Variants in NRXN1 observed in about 807,000 individuals in gnomAD.
NRXN1 encodes the protein neurexin-1.
A neutral mutation model predicts 150.9 loss-of-function variants in NRXN1; 39 were observed. The observed-to-expected ratio is 0.26, with a 90% CI of 0.20 to 0.34. The LOEUF is 0.34. Among genes scored for constraint, NRXN1 ranks in the 10% least tolerant of loss-of-function variants. The pLI, the probability that NRXN1 is intolerant of heterozygous loss-of-function variation, is 1.00. For missense variants in NRXN1, 1,815 were observed against 1,949.9 expected (o/e 0.93, Z 1.30); for synonymous variants, 924 against 757.0 (o/e 1.22, Z -3.62).
chr2:50,844,404 T>C (rs566646029), intron 5 of NRXN1, among the ~76,000 whole-genome samples: 6 of 152,212 alleles, frequency 3.9e-5, no homozygotes, highest in South Asian at 2.1e-4. Context: ...GGTGACCTTC[T>C]AGGTGCATGA....
At chr2:50,926,672 C>T (rs1035610886) in intron 2 of NRXN1, among the ~76,000 whole-genome samples, 7 of 151,726 alleles carry the variant, frequency 4.6e-5, no homozygotes, top group Admixed American at 1.3e-4. Flanking sequence ...TTTGGTTTGT[C>T]GTGATTTAAA....
At chr2:50,081,482 G>A (rs574938858) in intron 19 of NRXN1, among the ~76,000 whole-genome samples, 1 of 152,180 alleles carries the variant, frequency 6.6e-6, no homozygotes, top group Non-Finnish European at 1.5e-5. Flanking sequence ...AACCCAGGAA[G>A]TGGAGGTTGC....
intron 12 of NRXN1, among the ~76,000 whole-genome samples, chr2:50,508,945 C>A (rs2092348295): frequency 6.6e-6 from 1 of 152,132 alleles, no homozygotes; most frequent in Admixed American, 6.5e-5. Context: ...GGAAAGTGCA[C>A]TAGACTGGGA....
At chr2:50,014,052 G>T (rs1686156716) in intron 21 of NRXN1, among the ~76,000 whole-genome samples, 1 of 151,932 alleles carries the variant, frequency 6.6e-6, no homozygotes, top group South Asian at 2.1e-4. Context: ...TAAAAGTATA[G>T]CACTAGAGAT....
At chr2:50,987,964 G>A (rs1168303512) in intron 2 of NRXN1, among the ~76,000 whole-genome samples, 2 of 151,922 alleles carry the variant, frequency 1.3e-5, no homozygotes, top group Admixed American at 1.3e-4. Context: ...TAATTTTTTA[G>A]GCCAGGTTCA....
intron 17 of NRXN1, among the ~76,000 whole-genome samples, chr2:50,299,064 A>G (rs1252838270): frequency 6.6e-6 from 1 of 152,162 alleles, no homozygotes. Flanking sequence ...CTGAGGTAGC[A>G]CTTTGGGGAA....
intron 17 of NRXN1, among the ~76,000 whole-genome samples, chr2:50,274,402 G>A (rs561179546): frequency 6.6e-6 from 1 of 152,078 alleles, no homozygotes; most frequent in Non-Finnish European, 1.5e-5. Context: ...CTGGGGGTTG[G>A]GGGGCTACGG....
chr2:50,884,310 T>A (rs546959980), intron 5 of NRXN1, among the ~76,000 whole-genome samples: 1 of 151,910 alleles, frequency 6.6e-6, no homozygotes, highest in East Asian at 1.9e-4. Context: ...TGTATTCTAC[T>A]TATCTTGTCA....
At chr2:50,577,842 T>G (rs17040857) in intron 8 of NRXN1, among the ~76,000 whole-genome samples, 14,638 of 152,140 alleles carry the variant, frequency 0.096, 1,276 homozygotes, top group African/African-American at 0.23. Context: ...GGAGATGGAA[T>G]AAATTGTTAA....
intron 17 of NRXN1, among the ~76,000 whole-genome samples, chr2:50,258,191 A>G (rs193273755): frequency 6.6e-6 from 1 of 152,130 alleles, no homozygotes; most frequent in Non-Finnish European, 1.5e-5. Flanking sequence ...GACTCTACAC[A>G]AAAGTTTTCT....
chr2:50,818,844 C>T (rs911995264), intron 5 of NRXN1, among the ~76,000 whole-genome samples: 2 of 151,756 alleles, frequency 1.3e-5, no homozygotes, highest in African/African-American at 2.4e-5. Context: ...GATTAAAAAG[C>T]GGGCAAAGAA....
intron 5 of NRXN1, among the ~76,000 whole-genome samples, chr2:50,657,199 C>A (rs1446190526): frequency 6.6e-6 from 1 of 151,988 alleles, no homozygotes; most frequent in Admixed American, 6.6e-5. Context: ...GCTTTAGCCA[C>A]ATCCATCTCC....
chr2:50,915,308 G>C (rs772131835), intron 5 of NRXN1, among the ~76,000 whole-genome samples: 7 of 151,526 alleles, frequency 4.6e-5, no homozygotes, highest in Non-Finnish European at 1.0e-4. Flanking sequence ...GAAGTCATTA[G>C]TATGGCAAAA....
At chr2:50,907,873 C>T (rs765585333) in intron 5 of NRXN1, among the ~76,000 whole-genome samples, 9 of 152,094 alleles carry the variant, frequency 5.9e-5, no homozygotes, top group African/African-American at 1.2e-4. Flanking sequence ...AATACATTCA[C>T]GTTGTTTAAG....
At chr2:50,390,018 C>CATCT (rs1428330195) in intron 17 of NRXN1, among the ~76,000 whole-genome samples, 1 of 152,156 alleles carries the variant, frequency 6.6e-6, no homozygotes, top group Non-Finnish European at 1.5e-5. Flanking sequence ...GAAATGCCTA[C>CATCT]ATCTTATACT....
At chr2:50,411,088 G>A (rs2083122041) in intron 17 of NRXN1, among the ~76,000 whole-genome samples, 1 of 146,294 alleles carries the variant, frequency 6.8e-6, no homozygotes, top group Admixed American at 7.1e-5. Context: ...GTCTCCCTCT[G>A]ATGCCGAGCG....
chr2:50,446,543 C>CT (rs2086425434), intron 17 of NRXN1, among the ~76,000 whole-genome samples: 1 of 137,652 alleles, frequency 7.3e-6, no homozygotes, highest in Admixed American at 7.3e-5. Context: ...CCTTCCCTCC[C>CT]TTCCTTCCCT....
intron 2 of NRXN1, among the ~76,000 whole-genome samples, chr2:51,018,895 C>G (rs1239771990): frequency 2.0e-5 from 3 of 151,882 alleles, no homozygotes; most frequent in Admixed American, 1.3e-4. Flanking sequence ...TAGAATCAAC[C>G]CATCAAGTAG....
chr2:50,319,008 A>G (rs1184396942), intron 17 of NRXN1, among the ~76,000 whole-genome samples: 6 of 152,084 alleles, frequency 3.9e-5, no homozygotes, highest in Admixed American at 3.3e-4. Context: ...AATAAACATA[A>G]TAAGTTTAAA....
Sources: gnomAD v4.1 joint callset for allele counts (sites outside exome capture counted in the v4.1 genomes callset) on GRCh38, gnomAD v4.1.1 for gene constraint, MANE v1.5 for transcripts, NCBI Gene and HGNC (gene_info 2026-07-23, HGNC 2026-07-21) for gene names.